Variants in GRIA4 observed in about 807,000 individuals in gnomAD.
GRIA4 encodes glutamate receptor 4.
In GRIA4, 34 loss-of-function variants were observed where a neutral mutation model predicts 104.0. That is an observed-to-expected ratio of 0.33 (90% CI 0.25 to 0.44). GRIA4 has a LOEUF of 0.44. Ranked by LOEUF, GRIA4 falls within the 20% of genes least tolerant of loss-of-function variation. The pLI is 1.00. For synonymous variants in GRIA4, 386 were observed against 381.9 expected (o/e 1.01, Z -0.13); for missense variants, 750 against 1,096.5 (o/e 0.68, Z 4.46).
At chr11:105,846,649 C>T (rs1176710912) in intron 4 of GRIA4, among the ~76,000 whole-genome samples, 1 of 152,142 alleles carries the variant, frequency 6.6e-6, no homozygotes, top group African/African-American at 2.4e-5. Flanking sequence ...CTCTGAACTT[C>T]TTGGTAATCA....
At chr11:105,636,404 T>A (rs1951202706) in intron 3 of GRIA4, among the ~76,000 whole-genome samples, 1 of 152,212 alleles carries the variant, frequency 6.6e-6, no homozygotes, top group Non-Finnish European at 1.5e-5. Flanking sequence ...CAGACTCTTT[T>A]AAAGTTCAGA....
At chr11:105,703,549 A>G (rs2135528831) in intron 3 of GRIA4, among the ~76,000 whole-genome samples, 1 of 152,324 alleles carries the variant, frequency 6.6e-6, no homozygotes, top group South Asian at 2.1e-4. Flanking sequence ...TCTTATTACA[A>G]CTATGTTAAA....
chr11:105,757,898 T>G (rs1238842433), intron 4 of GRIA4, among the ~76,000 whole-genome samples: 5 of 152,164 alleles, frequency 3.3e-5, no homozygotes, highest in African/African-American at 7.2e-5. Context: ...AAGTTCTGAT[T>G]TTTTCCCCAT....
At chr11:105,628,326 A>G (rs1244951592) in intron 3 of GRIA4, among the ~76,000 whole-genome samples, 1 of 152,212 alleles carries the variant, frequency 6.6e-6, no homozygotes, top group Non-Finnish European at 1.5e-5. Flanking sequence ...TTTGTTATGC[A>G]TCATATATCA....
At chr11:105,732,890 A>G (rs1297160071) in intron 3 of GRIA4, among the ~76,000 whole-genome samples, 1 of 152,214 alleles carries the variant, frequency 6.6e-6, no homozygotes, top group African/African-American at 2.4e-5. Flanking sequence ...GAAAAGAATG[A>G]CTAACATCCA....
chr11:105,721,887 T>C (rs1218695246), intron 3 of GRIA4, among the ~76,000 whole-genome samples: 1 of 152,128 alleles, frequency 6.6e-6, no homozygotes, highest in Non-Finnish European at 1.5e-5. Context: ...AGGCATTATC[T>C]TCCTGCACTC....
intron 7 of GRIA4, among the ~76,000 whole-genome samples, chr11:105,898,707 TA>T (rs1346276584): frequency 6.6e-6 from 1 of 152,142 alleles, no homozygotes; most frequent in African/African-American, 2.4e-5. Flanking sequence ...AATTGTTAAC[TA>T]AATGCTTCAA....
chr11:105,781,284 C>T (rs1488435162), intron 4 of GRIA4, among the ~76,000 whole-genome samples: 4 of 152,114 alleles, frequency 2.6e-5, no homozygotes, highest in African/African-American at 9.7e-5. Flanking sequence ...GGTGTGTCTA[C>T]AGGCCCACAT....
rs189090674 is a variant in GRIA4 at position 105,834,388 on chromosome 11, T to C, written c.488-27636T>C. Among the ~76,000 whole-genome samples the C allele has an allele frequency of 1.4e-3, 207 of 152,216 alleles. 1 individual carries two copies. Among genetic ancestry groups the C allele is most frequent in the Non-Finnish European group, 1.7e-3 (117 of 67,998 alleles). The stretch of plus-strand genomic sequence containing the variant: ...ATCCCAAATTATTGCATGCCACTCA[T>C]ACATCTGTCCCCATGCATTACAAAG... On this transcript the variant is annotated intron_variant, in intron 4 of 16. Transcript: ENST00000282499.
In GRIA4 at chr11:105,847,518, A is replaced by G. The variant is rs141807988; in HGVS notation, c.488-14506A>G. 1.1e-3 allele frequency among the ~76,000 whole-genome samples: 171 copies of G among 152,348 alleles called. 2 individuals are homozygous for G. The highest frequency in any genetic ancestry group is 1.0e-3 in the Non-Finnish European group (71 of 68,036). ...TGATACAAAGATAGCAGGTAATTCA[A>G]GAATACATTTAATGAGAATCTAAAA... On this transcript the variant is annotated intron_variant, in intron 4 of 16. Transcript: ENST00000282499.
chr11:105,770,145 A>T (rs1941144301), intron 4 of GRIA4, among the ~76,000 whole-genome samples: 1 of 152,110 alleles, frequency 6.6e-6, no homozygotes, highest in Non-Finnish European at 1.5e-5. Flanking sequence ...ATTCAACTTT[A>T]TAGTCCCCCT....
chr11:105,831,194 C>T (rs933853191), intron 4 of GRIA4, among the ~76,000 whole-genome samples: 9 of 152,022 alleles, frequency 5.9e-5, no homozygotes, highest in East Asian at 3.9e-4. Context: ...TATCAGCTCT[C>T]AGCTGGTATC....
chr11:105,807,795 A>G (rs1161568323), intron 4 of GRIA4, among the ~76,000 whole-genome samples: 1 of 151,772 alleles, frequency 6.6e-6, no homozygotes, highest in African/African-American at 2.4e-5. Flanking sequence ...TACTCATATA[A>G]TAACTCTCCA....
chr11:105,910,571 T>A (rs749945245), intron 10 of GRIA4, 26 bp downstream of exon 10: 1 of 1,188,642 alleles, frequency 8.4e-7, no homozygotes, highest in African/African-American at 1.5e-5. Flanking sequence ...TGCTTTATGG[T>A]GTTCCGTTTT....
In GRIA4 at chr11:105,924,789, A is replaced by T. The variant is rs1344589883; in HGVS notation, c.1847+20A>T. 1 of 1,534,382 alleles carries T rather than the reference A, an allele frequency of 6.5e-7. No individual in the cohort carries two copies. Among genetic ancestry groups the T allele is most frequent in the Non-Finnish European group, 8.9e-7 (1 of 1,127,232 alleles). ...ACCCAGGTTAGTTTCAAATCTCTTA[A>T]GTTCTTCACTGATTTCCCAGTAATT... On this transcript the variant is annotated intron_variant, in intron 12 of 16. Coordinates refer to ENST00000282499, the MANE Select transcript of GRIA4 (RefSeq NM_000829.4).
intron 4 of GRIA4, among the ~76,000 whole-genome samples, chr11:105,831,805 C>A (rs756359336): frequency 6.6e-6 from 1 of 151,976 alleles, no homozygotes; most frequent in Non-Finnish European, 1.5e-5. Flanking sequence ...GGTTATGCTC[C>A]GCATAGCATT....
At chr11:105,784,065 C>T (rs932176789) in intron 4 of GRIA4, among the ~76,000 whole-genome samples, 8 of 152,106 alleles carry the variant, frequency 5.3e-5, no homozygotes, top group African/African-American at 1.9e-4. Flanking sequence ...TGTAGCTTAG[C>T]CTCACAAGTA....
intron 4 of GRIA4, among the ~76,000 whole-genome samples, chr11:105,834,323 G>A (rs1422129243): frequency 1.3e-5 from 2 of 151,968 alleles, no homozygotes; most frequent in Non-Finnish European, 2.9e-5. Context: ...AAGTATAATA[G>A]AAACTCAATG....
chr11:105,852,243 G>A (rs2135990546), intron 4 of GRIA4, among the ~76,000 whole-genome samples: 1 of 152,264 alleles, frequency 6.6e-6, no homozygotes, highest in Non-Finnish European at 1.5e-5. Context: ...GGGATGTTGA[G>A]TTATACATTA....
Sources: allele counts gnomAD v4.1 joint callset (sites outside exome capture counted in the v4.1 genomes callset), GRCh38; gene constraint gnomAD v4.1.1; transcripts MANE v1.5; gene names NCBI Gene and HGNC (gene_info 2026-07-23, HGNC 2026-07-21).